The following SYT2 variants were observed in gnomAD, a reference collection of about 807,000 sequenced individuals.
SYT2 encodes the protein synaptotagmin 2.
Under a neutral mutation model 39.9 loss-of-function variants are expected in SYT2, and 15 were observed. The observed-to-expected ratio is 0.38, with a 90% CI of 0.25 to 0.58. The LOEUF (loss-of-function observed/expected upper bound fraction) is 0.58. SYT2 is among the 20% of genes least tolerant of loss of function. The pLI is 0.70. For synonymous variants in SYT2, 181 were observed against 204.5 expected (o/e 0.89, Z 0.98); for missense variants, 389 against 530.3 (o/e 0.73, Z 2.62).
chr1:202,656,187 C>T (rs375412621), intron 1 of SYT2, among the ~76,000 whole-genome samples: 1 of 152,154 alleles, frequency 6.6e-6, no homozygotes, highest in Non-Finnish European at 1.5e-5. Context: ...CAGGCACAAA[C>T]GCTCACATGC....
chr1:202,601,941 G>A lies in SYT2; in HGVS notation c.750C>T (p.Leu250=), dbSNP rs147286961. Residue 250 remains leucine (L), a synonymous_variant, in exon 6 of 9, where the codon CTC becomes CTT. Transcript: ENST00000367268. This position sits in a 1 kb window ranked among gnomAD's most constrained non-coding sequence, Gnocchi z 4.0. The part of the protein sequence containing the change: ...EVKVPMNTVD[L]GQPIEEWRDL... Reference sequence around the variant, plus strand: ...CTCTCCACTCCTCAATGGGCTGGCCGAGGTCCACTGTGTTCATAGGCACCT... The same window carrying A: ...CTCTCCACTCCTCAATGGGCTGGCCAAGGTCCACTGTGTTCATAGGCACCT... 17 of 1,614,036 alleles carry A rather than the reference G, an allele frequency of 1.1e-5. No homozygotes were observed. Among genetic ancestry groups the A allele is most frequent in the South Asian group, 5.5e-5 (5 of 91,092 alleles).
intron 1 of SYT2, among the ~76,000 whole-genome samples, chr1:202,619,311 A>G (rs1346074006): frequency 6.6e-6 from 1 of 152,148 alleles, no homozygotes; most frequent in Non-Finnish European, 1.5e-5. Flanking sequence ...GAATCACCCG[A>G]GCAGGAAAGC....
chr1:202,673,999 G>A (rs902149064), intron 1 of SYT2, among the ~76,000 whole-genome samples: 4 of 152,130 alleles, frequency 2.6e-5, no homozygotes, highest in Admixed American at 6.5e-5. Context: ...ATACATGAAG[G>A]TCTATGTGGC....
intron 1 of SYT2, among the ~76,000 whole-genome samples, chr1:202,660,703 G>A (rs1383611545): frequency 1.3e-5 from 2 of 152,066 alleles, no homozygotes; most frequent in Non-Finnish European, 2.9e-5. Flanking sequence ...GGCTGGTCTT[G>A]AACTCCTGGG....
intron 1 of SYT2, among the ~76,000 whole-genome samples, chr1:202,659,211 A>G (rs762900503): frequency 1.3e-5 from 2 of 152,070 alleles, no homozygotes; most frequent in Non-Finnish European, 2.9e-5. Flanking sequence ...CAGCAAACTA[A>G]TTCTGCACAC....
chr1:202,600,406 G>A lies in SYT2; in HGVS notation c.870C>T (p.Cys290=). 6.2e-7 allele frequency: 1 copy of A among 1,614,214 alleles called. No homozygotes were observed. Among genetic ancestry groups the A allele is most frequent in the Non-Finnish European group, 8.5e-7 (1 of 1,180,040 alleles). ...YVPTAGKLTV[C]ILEAKNLKKM... ...TCTTGAGGTTCTTAGCCTCCAGGAT[G>A]CAGACAGTGAGCTTCCCGGCCGTGG... The change falls in exon 7 of 9, where the codon TGC becomes TGT. Residue 290 remains cysteine, a synonymous_variant. Transcript: ENST00000367268.
chr1:202,698,162 G>C (rs1654022873), intron 1 of SYT2, among the ~76,000 whole-genome samples: 1 of 152,088 alleles, frequency 6.6e-6, no homozygotes, highest in Non-Finnish European at 1.5e-5. Context: ...TCACCACAGG[G>C]AATACTCTCC....
At chr1:202,617,976 C>T (rs1691093171) in intron 1 of SYT2, among the ~76,000 whole-genome samples, 1 of 152,100 alleles carries the variant, frequency 6.6e-6, no homozygotes, top group South Asian at 2.1e-4. Context: ...GATCTTGGCT[C>T]ACTGCAACCT....
chr1:202,640,333 C>T (rs923147850), intron 1 of SYT2, among the ~76,000 whole-genome samples: 5 of 144,324 alleles, frequency 3.5e-5, no homozygotes, highest in African/African-American at 5.0e-5. Context: ...TCATCTAAAC[C>T]AAGCTTTCAC....
chr1:202,615,015 A>T (rs1690994680), intron 1 of SYT2, among the ~76,000 whole-genome samples: 1 of 152,214 alleles, frequency 6.6e-6, no homozygotes, highest in Non-Finnish European at 1.5e-5. Context: ...GTGAGTAAAA[A>T]GACTAGGGTG....
At chr1:202,641,805 A>G (rs1341961958) in intron 1 of SYT2, among the ~76,000 whole-genome samples, 2 of 152,218 alleles carry the variant, frequency 1.3e-5, no homozygotes, top group East Asian at 1.9e-4. Flanking sequence ...ACCTATAGTC[A>G]TCTGTCTGTC....
chr1:202,683,838 G>A (rs1653590062), intron 1 of SYT2, among the ~76,000 whole-genome samples: 1 of 151,952 alleles, frequency 6.6e-6, no homozygotes, highest in African/African-American at 2.4e-5. Flanking sequence ...GGGAAATTGA[G>A]GCATTTCCCA....
At position 202,649,288 on chromosome 1, in the gene SYT2, T is replaced by A. The variant is rs114910477; in HGVS notation, c.-17-43499A>T. ...GGGTCTCCCAGATCATATGCTGGGA[T>A]GAAGCAGATCTGGGGGAGGCAAGAT... On this transcript the variant is annotated intron_variant, in intron 1 of 8. Transcript: ENST00000367268. Among the ~76,000 whole-genome samples the A allele has an allele frequency of 4.8e-3, 732 of 152,314 alleles. 7 individuals carry two copies. Among genetic ancestry groups the A allele is most frequent in the African/African-American group, 0.016 (678 of 41,564 alleles).
intron 1 of SYT2, among the ~76,000 whole-genome samples, chr1:202,644,279 C>T (rs12758759): frequency 0.47 from 71,483 of 151,572 alleles, 18,418 homozygotes; most frequent in African/African-American, 0.69. Flanking sequence ...TGCTCCCAGA[C>T]AGGAACCCAG....
chr1:202,683,788 A>T (rs1400461058), intron 1 of SYT2, among the ~76,000 whole-genome samples: 8 of 151,956 alleles, frequency 5.3e-5, no homozygotes, highest in Non-Finnish European at 8.8e-5. Context: ...CAGTTCAAAA[A>T]CAAGCAAACC....
intron 1 of SYT2, among the ~76,000 whole-genome samples, chr1:202,637,577 G>A (rs1283528003): frequency 6.6e-6 from 1 of 152,246 alleles, no homozygotes; most frequent in Non-Finnish European, 1.5e-5. Flanking sequence ...GAGCAGTGGG[G>A]AGCAGGTTGA....
intron 1 of SYT2, among the ~76,000 whole-genome samples, chr1:202,647,314 G>A (rs1183590475): frequency 1.3e-5 from 2 of 152,176 alleles, no homozygotes; most frequent in Admixed American, 6.5e-5. Flanking sequence ...TCCAGGGCCC[G>A]TAGAGGGAAG....
intron 1 of SYT2, among the ~76,000 whole-genome samples, chr1:202,616,202 G>A (rs1336343463): frequency 6.6e-6 from 1 of 152,144 alleles, no homozygotes; most frequent in Non-Finnish European, 1.5e-5. Flanking sequence ...GCAGAAGCGA[G>A]AAATCTCTCA....
intron 1 of SYT2, among the ~76,000 whole-genome samples, chr1:202,669,025 T>C (rs1049924184): frequency 3.9e-5 from 6 of 152,184 alleles, no homozygotes; most frequent in African/African-American, 1.4e-4. Flanking sequence ...GACCTGTTGA[T>C]GTTTCTGAAA....
Sources: gnomAD v4.1 joint callset for allele counts (sites outside exome capture counted in the v4.1 genomes callset) on GRCh38, gnomAD v4.1.1 for gene constraint, Gnocchi (gnomAD v3.1) non-coding constraint, MANE v1.5 for transcripts, NCBI Gene and HGNC (gene_info 2026-07-23, HGNC 2026-07-21) for gene names.